The following SHISA9 variants were observed in gnomAD, a reference collection of about 807,000 sequenced individuals.
SHISA9 encodes the protein shisa family member 9, also known as protein shisa-9.
A neutral mutation model predicts 38.0 loss-of-function variants in SHISA9; 13 were observed. That is an observed-to-expected ratio of 0.34 (90% CI 0.22 to 0.54). SHISA9 has a LOEUF of 0.54. Among genes scored for constraint, SHISA9 ranks in the 20% least tolerant of loss-of-function variants. The probability of loss-of-function intolerance (pLI) is 0.91; values close to 1 mark genes in which losing one functional copy is unlikely to be tolerated. For synonymous variants in SHISA9, 275 were observed against 242.0 expected (o/e 1.14, Z -1.27); for missense variants, 538 against 575.8 (o/e 0.93, Z 0.67).
chr16:13,007,447 C>G (rs2072612939), intron 2 of SHISA9, among the ~76,000 whole-genome samples: 1 of 152,130 alleles, frequency 6.6e-6, no homozygotes, highest in Non-Finnish European at 1.5e-5. Flanking sequence ...TTCTTTATTT[C>G]TTGCCTGTGG....
At chr16:13,475,829 G>C in the SHISA9 span, among the ~76,000 whole-genome samples, 1 of 152,132 alleles carries the variant, frequency 6.6e-6, no homozygotes, top group African/African-American at 2.4e-5. Flanking sequence ...TCAGGTGTTA[G>C]ATTTTCATAA....
At chr16:13,385,710 TC>T in the SHISA9 span, among the ~76,000 whole-genome samples, 2 of 95,876 alleles carry the variant, frequency 2.1e-5, no homozygotes, top group African/African-American at 8.1e-5. Flanking sequence ...GAAATAGTAC[TC>T]AGCAAAGAAA....
At chr16:13,281,082 T>C in the SHISA9 span, among the ~76,000 whole-genome samples, 1 of 151,828 alleles carries the variant, frequency 6.6e-6, no homozygotes, top group Admixed American at 6.6e-5. Context: ...CATTTTCTCA[T>C]TCAATATAAC....
chr16:13,170,202 C>CAAAAAAAAAAAA (rs71147788), intron 2 of SHISA9, among the ~76,000 whole-genome samples: 2 of 91,992 alleles, frequency 2.2e-5, no homozygotes, highest in African/African-American at 4.5e-5. Context: ...GACTCCATCT[C>CAAAAAAAAAAAA]AAAAAAAAAA....
intron 3 of SHISA9, among the ~76,000 whole-genome samples, chr16:13,211,264 C>T (rs2051116736): frequency 6.6e-6 from 1 of 151,508 alleles, no homozygotes; most frequent in South Asian, 2.1e-4. Flanking sequence ...CGAGATTGTG[C>T]CACTGCACTC....
intron 2 of SHISA9, among the ~76,000 whole-genome samples, chr16:13,176,738 G>C (rs1774232962): frequency 6.6e-6 from 1 of 152,144 alleles, no homozygotes. Flanking sequence ...TTAATTGCAG[G>C]CTTATTGTTA....
At chr16:13,410,341 G>A in the SHISA9 span, among the ~76,000 whole-genome samples, 1 of 152,042 alleles carries the variant, frequency 6.6e-6, no homozygotes, top group Non-Finnish European at 1.5e-5. Context: ...AAATTTACAG[G>A]CATCTTTGCC....
the SHISA9 span, among the ~76,000 whole-genome samples, chr16:13,550,295 C>G: frequency 6.6e-6 from 1 of 152,134 alleles, no homozygotes; most frequent in East Asian, 1.9e-4. Context: ...CCCCTAGAAA[C>G]TCTCCCATTC....
intron 1 of SHISA9, among the ~76,000 whole-genome samples, chr16:12,912,109 A>G (rs1484478182): frequency 2.6e-5 from 4 of 152,154 alleles, no homozygotes; most frequent in Non-Finnish European, 4.4e-5. Flanking sequence ...GGGTGCCAGC[A>G]TCAATACACG....
At chr16:13,080,982 A>G (rs552398436) in intron 2 of SHISA9, among the ~76,000 whole-genome samples, 3 of 152,270 alleles carry the variant, frequency 2.0e-5, no homozygotes, top group East Asian at 1.9e-4. Flanking sequence ...GTCTCTTCTT[A>G]TAATCTCACT....
chr16:13,296,482 G>A, the SHISA9 span, among the ~76,000 whole-genome samples: 1 of 151,668 alleles, frequency 6.6e-6, no homozygotes, highest in Non-Finnish European at 1.5e-5. Flanking sequence ...GAATATGGTT[G>A]AAAATGTTCT....
chr16:13,051,914 G>A (rs139901234), intron 2 of SHISA9, among the ~76,000 whole-genome samples: 4,752 of 151,988 alleles, frequency 0.031, 164 homozygotes, highest in South Asian at 0.14. Flanking sequence ...ACAGGTGCCC[G>A]CCACCACACT....
chr16:13,478,827 C>G, the SHISA9 span, among the ~76,000 whole-genome samples: 2 of 152,134 alleles, frequency 1.3e-5, no homozygotes, highest in South Asian at 2.1e-4. Flanking sequence ...ATCCTAATAT[C>G]TGGGAGTGGT....
intron 2 of SHISA9, among the ~76,000 whole-genome samples, chr16:13,132,982 C>G (rs8048491): frequency 0.017 from 2,605 of 152,254 alleles, 69 homozygotes; most frequent in African/African-American, 0.06. Context: ...TCACCCAGGT[C>G]TGATCATGAC....
At position 12,970,479 on chromosome 16, in the gene SHISA9, A is replaced by ATATATACATATATGTGTG. The variant is rs1567168062; in HGVS notation, c.691+53670_691+53671insCATATATGTGTGTATATA. Among the ~76,000 whole-genome samples the ATATATACATATATGTGTG allele has an allele frequency of 2.6e-4, 5 of 19,460 alleles. 1 individual carries two copies. Among genetic ancestry groups the ATATATACATATATGTGTG allele is most frequent in the Admixed American group, 9.7e-4 (1 of 1,036 alleles). The allele number at this position is 19,460 out of a possible 152,430, so 12.8% of individuals were successfully genotyped here. A position where few individuals can be genotyped will look rare whatever the true frequency, so the allele number is the denominator to read the frequency against. On this transcript the variant is annotated intron_variant, in intron 2 of 4. Transcript: ENST00000558583. The stretch of plus-strand genomic sequence containing the variant: ...TACATATATGTGTGTGTATATATAT[A>ATATATACATATATGTGTG]TATATATATATATATATATTTTTTT...
chr16:13,148,949 T>A (rs954252744), intron 2 of SHISA9, among the ~76,000 whole-genome samples: 2 of 152,140 alleles, frequency 1.3e-5, no homozygotes, highest in African/African-American at 4.8e-5. Flanking sequence ...ATTATGTAAC[T>A]CCAACAGCTC....
chr16:12,969,346 G>A (rs1160370221), intron 2 of SHISA9, among the ~76,000 whole-genome samples: 2 of 147,052 alleles, frequency 1.4e-5, no homozygotes, highest in Non-Finnish European at 3.0e-5. Context: ...TTTGGGAGAT[G>A]ATTTTTTTTT....
At chr16:12,962,675 A>G (rs1238925379) in intron 2 of SHISA9, among the ~76,000 whole-genome samples, 2 of 152,240 alleles carry the variant, frequency 1.3e-5, no homozygotes, top group African/African-American at 4.8e-5. Context: ...CTTGATTTGG[A>G]CTTCCCAGCC....
At chr16:13,444,981 GCTATATATATATATATATAT>G in the SHISA9 span, among the ~76,000 whole-genome samples, 1 of 76,216 alleles carries the variant, frequency 1.3e-5, no homozygotes, top group Admixed American at 1.5e-4. Flanking sequence ...ACCATGCCTA[GCTATATATATATATATATAT>G]ATATATATAT....
Sources: allele counts gnomAD v4.1 joint callset (sites outside exome capture counted in the v4.1 genomes callset), GRCh38; gene constraint gnomAD v4.1.1; transcripts MANE v1.5; gene names NCBI Gene and HGNC (gene_info 2026-07-23, HGNC 2026-07-21).